UBE2R2: variants seen among roughly 807,000 people sequenced by gnomAD.
UBE2R2 encodes ubiquitin conjugating enzyme E2 R2.
In UBE2R2, 1 loss-of-function variant was observed where a neutral mutation model predicts 27.8. That is an observed-to-expected ratio of 0.04 (90% CI 0.01 to 0.17). UBE2R2 has a LOEUF of 0.17. Ranked by LOEUF, UBE2R2 falls within the 10% of genes least tolerant of loss-of-function variation. UBE2R2 has a pLI of 1.00. For missense variants in UBE2R2, 100 were observed against 291.0 expected (o/e 0.34, Z 4.78); for synonymous variants, 106 against 113.3 (o/e 0.94, Z 0.41).
intron 1 of UBE2R2, among the ~76,000 whole-genome samples, chr9:33,818,372 T>TG (rs1825876925): frequency 2.6e-4 from 1 of 3,788 alleles, no homozygotes; most frequent in Non-Finnish European, 5.6e-4. Context: ...TTTTGGGGGG[T>TG]GGGGGTGGGG....
chr9:33,895,749 A>C (rs1293229347), intron 2 of UBE2R2, among the ~76,000 whole-genome samples: 1 of 135,032 alleles, frequency 7.4e-6, no homozygotes, highest in Non-Finnish European at 1.6e-5. Context: ...CCATGACTAG[A>C]TTTATTCTCT....
intron 1 of UBE2R2, among the ~76,000 whole-genome samples, chr9:33,875,295 A>G (rs887085127): frequency 6.6e-6 from 1 of 152,124 alleles, no homozygotes; most frequent in Non-Finnish European, 1.5e-5. Flanking sequence ...TTCAAATCAT[A>G]CCCTGAAATT....
intron 3 of UBE2R2, among the ~76,000 whole-genome samples, chr9:33,903,865 G>A (rs1822297100): frequency 6.6e-6 from 1 of 152,164 alleles, no homozygotes; most frequent in South Asian, 2.1e-4. Context: ...ACTACAACTA[G>A]TTATGTGGAG....
At chr9:33,899,733 A>G (rs1250167943) in intron 2 of UBE2R2, among the ~76,000 whole-genome samples, 2 of 151,580 alleles carry the variant, frequency 1.3e-5, no homozygotes, top group African/African-American at 2.4e-5. Flanking sequence ...TCCTGACCTC[A>G]GGTGGTCCAC....
At position 33,840,160 on chromosome 9, in the gene UBE2R2, CCT is replaced by C. The variant is rs200342832; in HGVS notation, c.177+22227_177+22228del. Among the ~76,000 whole-genome samples the C allele has an allele frequency of 3.7e-3, 564 of 152,198 alleles. 6 individuals are homozygous for C. The highest frequency in any genetic ancestry group is 0.029 in the Admixed American group (441 of 15,270). ...CAAACATACAGATAGTGCTTTTTCC[CCT>C]TTTTCTTTTTTTAAAAAATAAGGCG... is the stretch of plus-strand genomic sequence containing the variant. On this transcript the variant is annotated intron_variant, in intron 1 of 4. Transcript: ENST00000263228.
intron 1 of UBE2R2, among the ~76,000 whole-genome samples, chr9:33,875,643 C>T (rs570694922): frequency 9.8e-5 from 15 of 152,296 alleles, no homozygotes; most frequent in African/African-American, 3.6e-4. Context: ...CTCATGATAA[C>T]TCCCTAGGGT....
In UBE2R2 at chr9:33,912,223, T is replaced by C. The variant is rs1039847810; in HGVS notation, c.497+125T>C. The C allele has an allele frequency of 2.5e-5, 22 of 875,082 alleles. No individual in the cohort carries two copies. The African/African-American group carries it at 3.8e-4, about 15-fold the overall frequency. 54.2% of individuals were successfully genotyped at this position (875,082 alleles called of 1,614,324 possible). On this transcript the variant is annotated intron_variant, in intron 4 of 4. Transcript: ENST00000263228. ...TAATTTTCCTCTATTAGATTTATAGTGTGGGAAGAGAAGATTTCTGCCTGA... is the reference window on the plus strand; with the variant it reads ...TAATTTTCCTCTATTAGATTTATAGCGTGGGAAGAGAAGATTTCTGCCTGA...
At chr9:33,887,028 A>T (rs1821875347) in intron 2 of UBE2R2, 61 bp downstream of exon 2, 1 of 1,363,024 alleles carries the variant, frequency 7.3e-7, no homozygotes, top group Non-Finnish European at 1.0e-6. Context: ...AGTACTTTAA[A>T]ATAGCCTATC....
intron 1 of UBE2R2, among the ~76,000 whole-genome samples, chr9:33,818,380 G>T: frequency 7.2e-6 from 1 of 139,074 alleles, no homozygotes; most frequent in African/African-American, 2.6e-5. Flanking sequence ...GGTGGGGGTG[G>T]GGGTGGGGTG....
intron 3 of UBE2R2, among the ~76,000 whole-genome samples, chr9:33,904,681 C>T (rs1467546546): frequency 6.6e-6 from 1 of 152,168 alleles, no homozygotes; most frequent in Admixed American, 6.6e-5. Context: ...TTTAGGGATG[C>T]AGAGAATCAG....
intron 1 of UBE2R2, among the ~76,000 whole-genome samples, chr9:33,860,965 G>GTT (rs1417830370): frequency 1.7e-5 from 1 of 59,692 alleles, no homozygotes. Flanking sequence ...TTTGTTTTTT[G>GTT]TTTTTTTTTT....
chr9:33,878,354 GCCTGTAAT>G (rs1563997981), intron 1 of UBE2R2, among the ~76,000 whole-genome samples: 1 of 152,128 alleles, frequency 6.6e-6, no homozygotes, highest in Non-Finnish European at 1.5e-5. Flanking sequence ...AGTGGCTCAC[GCCTGTAAT>G]CCCAGCATTT....
In UBE2R2 at chr9:33,920,064, G is replaced by A. The variant is rs1822775756; in HGVS notation, c.*2827G>A. ...ACTTGCTGGTTTCCTTACGTTTGGG[G>A]CACATGTTGTAAGAAACTGATTGGA... On this transcript the variant is annotated 3_prime_UTR_variant, in exon 5 of 5. Transcript: ENST00000263228. 1 of 152,418 alleles carries A rather than the reference G, an allele frequency of 6.6e-6. No individual in the cohort carries two copies. The highest frequency in any genetic ancestry group is 1.5e-5 in the Non-Finnish European group (1 of 68,022). The allele number at this position is 152,418 out of a possible 1,614,324, so 9.4% of individuals were successfully genotyped here. A position where few individuals can be genotyped will look rare whatever the true frequency, so the allele number is the denominator to read the frequency against.
At chr9:33,831,803 G>C (rs1410686424) in intron 1 of UBE2R2, among the ~76,000 whole-genome samples, 1 of 151,908 alleles carries the variant, frequency 6.6e-6, no homozygotes, top group Non-Finnish European at 1.5e-5. Context: ...GGGACTATAG[G>C]TGCCTGCCAA....
chr9:33,870,966 G>A (rs1424493086), intron 1 of UBE2R2, among the ~76,000 whole-genome samples: 1 of 152,146 alleles, frequency 6.6e-6, no homozygotes, highest in Non-Finnish European at 1.5e-5. Flanking sequence ...TACGTTTTGT[G>A]TTTATTCCAA....
At chr9:33,852,030 G>A (rs1230438469) in intron 1 of UBE2R2, among the ~76,000 whole-genome samples, 2 of 152,130 alleles carry the variant, frequency 1.3e-5, no homozygotes, top group African/African-American at 4.8e-5. Context: ...TATTTAATTA[G>A]GCCGGGTGCA....
chr9:33,828,882 C>T (rs1011673462), intron 1 of UBE2R2, among the ~76,000 whole-genome samples: 1 of 152,088 alleles, frequency 6.6e-6, no homozygotes, highest in Non-Finnish European at 1.5e-5. Context: ...TATAGGCGCA[C>T]GCTGCCATGC....
intron 1 of UBE2R2, among the ~76,000 whole-genome samples, chr9:33,843,042 CTTT>C (rs71506139): frequency 4.7e-5 from 5 of 105,312 alleles, no homozygotes; most frequent in Admixed American, 1.2e-4. Flanking sequence ...AAACAGACCA[CTTT>C]TTTTTTTTTT....
chr9:33,894,431 A>AT (rs1200627871), intron 2 of UBE2R2, among the ~76,000 whole-genome samples: 1 of 151,764 alleles, frequency 6.6e-6, no homozygotes, highest in Non-Finnish European at 1.5e-5. Flanking sequence ...GTCCTAGCTC[A>AT]TTTTTTATTT....
Sources: gnomAD v4.1 joint callset for allele counts (sites outside exome capture counted in the v4.1 genomes callset) on GRCh38, gnomAD v4.1.1 for gene constraint, MANE v1.5 for transcripts, NCBI Gene and HGNC (gene_info 2026-07-23, HGNC 2026-07-21) for gene names.